TJP1: variants seen among roughly 807,000 people sequenced by gnomAD.
TJP1 encodes the protein tight junction protein 1, also known as tight junction protein ZO-1.
In TJP1, 43 loss-of-function variants were observed where a neutral mutation model predicts 194.2. The ratio of observed to expected loss-of-function variants is 0.22; its 90% CI spans 0.17 to 0.29. The LOEUF is 0.29. Ranked by LOEUF, TJP1 falls within the 10% of genes least tolerant of loss-of-function variation. TJP1 has a pLI of 1.00. For missense variants in TJP1, 1,971 were observed against 2,185.7 expected, an observed-to-expected ratio of 0.90 and a Z score of 1.96; for synonymous variants, 801 against 779.0, an observed-to-expected ratio of 1.03 and a Z score of -0.47.
At chr15:29,778,123 G>C (rs550759864) in intron 2 of TJP1, among the ~76,000 whole-genome samples, 1 of 152,300 alleles carries the variant, frequency 6.6e-6, no homozygotes, top group African/African-American at 2.4e-5. Flanking sequence ...TTGTGAGCAA[G>C]TAAATGCAGT....
At chr15:29,800,234 A>T (rs140127411) in intron 2 of TJP1, among the ~76,000 whole-genome samples, 4 of 152,318 alleles carry the variant, frequency 2.6e-5, no homozygotes, top group African/African-American at 9.6e-5. Flanking sequence ...GCTTGGGTCA[A>T]CATGTTTGAA....
chr15:29,845,965 T>C (rs1349181553), intron 2 of TJP1, among the ~76,000 whole-genome samples: 1 of 152,110 alleles, frequency 6.6e-6, no homozygotes, highest in Non-Finnish European at 1.5e-5. Context: ...CTTATCTCCA[T>C]TCCCTCTCAG....
chr15:29,947,939 C>T (rs142179665), intron 2 of TJP1, among the ~76,000 whole-genome samples: 1 of 152,146 alleles, frequency 6.6e-6, no homozygotes, highest in Non-Finnish European at 1.5e-5. Flanking sequence ...CTCCTTGCTA[C>T]AAGAGAAAAA....
intron 2 of TJP1, among the ~76,000 whole-genome samples, chr15:29,942,358 C>T (rs974203679): frequency 5.3e-5 from 8 of 152,194 alleles, no homozygotes; most frequent in Admixed American, 5.2e-4. Context: ...GAGATGAAGG[C>T]CGGTACCACT....
At chr15:29,871,365 A>G (rs974780384) in intron 2 of TJP1, among the ~76,000 whole-genome samples, 3 of 152,262 alleles carry the variant, frequency 2.0e-5, no homozygotes, top group African/African-American at 7.2e-5. Context: ...AGCTAATCAA[A>G]AATGACATCT....
At chr15:29,948,596 C>T (rs868845451) in intron 2 of TJP1, among the ~76,000 whole-genome samples, 1 of 152,138 alleles carries the variant, frequency 6.6e-6, no homozygotes, top group Non-Finnish European at 1.5e-5. Context: ...TGGCCTTTAT[C>T]CTTGTGGACG....
chr15:29,795,330 G>C (rs2048335371), intron 2 of TJP1, among the ~76,000 whole-genome samples: 1 of 151,652 alleles, frequency 6.6e-6, no homozygotes, highest in South Asian at 2.1e-4. Flanking sequence ...GGCTGAGGCA[G>C]GAGAATCGCT....
chr15:29,874,337 C>T (rs1327169394), intron 2 of TJP1, among the ~76,000 whole-genome samples: 1 of 152,070 alleles, frequency 6.6e-6, no homozygotes, highest in African/African-American at 2.4e-5. Context: ...TGTGGGCTGT[C>T]GGAGTCAATC....
chr15:29,870,709 G>A (rs1178953305), intron 2 of TJP1, among the ~76,000 whole-genome samples: 1 of 152,168 alleles, frequency 6.6e-6, no homozygotes, highest in Non-Finnish European at 1.5e-5. Context: ...CAGGAGAACT[G>A]TCCCTGCAGG....
chr15:29,809,628 T>C (rs1433930758), intron 1 of TJP1, among the ~76,000 whole-genome samples: 1 of 152,174 alleles, frequency 6.6e-6, no homozygotes, highest in Non-Finnish European at 1.5e-5. Flanking sequence ...GTGGATCGCC[T>C]GAAGTCAGGA....
intron 2 of TJP1, among the ~76,000 whole-genome samples, chr15:29,835,909 G>C (rs2051011478): frequency 6.6e-6 from 1 of 152,058 alleles, no homozygotes; most frequent in Non-Finnish European, 1.5e-5. Context: ...GAGAGAGACA[G>C]AGAGAGACAG....
At position 29,716,637 on chromosome 15, in the gene TJP1, T is replaced by C; in HGVS notation, c.4176A>G (p.Gln1392=). 6.2e-7 allele frequency: 1 copy of C among 1,613,040 alleles called. No homozygotes were observed. The highest frequency in any genetic ancestry group is 2.2e-5 in the East Asian group (1 of 44,860). ...EPAKPAHSQN[Q]SNFSSYSSKG... is the part of the protein sequence containing the mutation. ...TTGAAGAATAACTAGAAAAATTTGATTGATTCTGAGAATGCGCTGGCTTTG... is the reference window on the plus strand; with the variant it reads ...TTGAAGAATAACTAGAAAAATTTGACTGATTCTGAGAATGCGCTGGCTTTG... Residue 1392 remains glutamine (Q), a synonymous_variant, in exon 23 of 28, where the codon CAA becomes CAG. Transcript: ENST00000614355.
intron 2 of TJP1, among the ~76,000 whole-genome samples, chr15:29,950,150 ACCT>A (rs1330523873): frequency 5.9e-5 from 6 of 102,028 alleles, no homozygotes; most frequent in Admixed American, 1.1e-4. Flanking sequence ...CACAACCACC[ACCT>A]CCACCACCAC....
At chr15:29,892,886 C>A (rs139867591) in intron 2 of TJP1, among the ~76,000 whole-genome samples, 27 of 152,262 alleles carry the variant, frequency 1.8e-4, no homozygotes, top group Admixed American at 7.2e-4. Flanking sequence ...TGCAGCCCAG[C>A]CCATAGATTA....
chr15:29,964,337 T>TA (rs1485683476), intron 1 of TJP1, among the ~76,000 whole-genome samples: 2 of 152,178 alleles, frequency 1.3e-5, no homozygotes, highest in African/African-American at 2.4e-5. Context: ...CATCATATTA[T>TA]AAAATGGAGC....
chr15:29,860,258 T>A (rs1185306994), intron 2 of TJP1, among the ~76,000 whole-genome samples: 2 of 152,136 alleles, frequency 1.3e-5, no homozygotes, highest in Non-Finnish European at 2.9e-5. Context: ...ACTGTTTAAG[T>A]GTTATTGCAC....
intron 1 of TJP1, among the ~76,000 whole-genome samples, chr15:29,817,416 T>C (rs1159376229): frequency 1.3e-5 from 2 of 152,152 alleles, no homozygotes; most frequent in African/African-American, 2.4e-5. Flanking sequence ...TTGTGGAAGA[T>C]AGTATGGCAA....
intron 8 of TJP1, among the ~76,000 whole-genome samples, chr15:29,748,559 TAATTC>T (rs1408285282): frequency 2.2e-5 from 3 of 137,030 alleles, no homozygotes; most frequent in African/African-American, 7.9e-5. Context: ...CAAACCTTCC[TAATTC>T]TTTTTTTTTT....
At chr15:29,953,173 G>A (rs1178823468) in intron 2 of TJP1, among the ~76,000 whole-genome samples, 3 of 97,266 alleles carry the variant, frequency 3.1e-5, no homozygotes, top group Non-Finnish European at 4.2e-5. Flanking sequence ...ACGGAGTCTC[G>A]CTCTGTCGTC....
Sources: allele counts gnomAD v4.1 joint callset (sites outside exome capture counted in the v4.1 genomes callset), GRCh38; gene constraint gnomAD v4.1.1; transcripts MANE v1.5; gene names NCBI Gene and HGNC (gene_info 2026-07-23, HGNC 2026-07-21).